Variants in PRKCD observed in about 807,000 individuals in gnomAD.
PRKCD encodes the protein protein kinase C delta type.
In PRKCD, 20 loss-of-function variants were observed where a neutral mutation model predicts 82.2. That is an observed-to-expected ratio of 0.24 (90% confidence interval 0.17 to 0.35). The LOEUF (loss-of-function observed/expected upper bound fraction) is 0.35, where lower values mean the gene tolerates loss of function less well. PRKCD is among the 10% of genes least tolerant of loss of function. The pLI is 1.00. For missense variants in PRKCD, 607 were observed against 899.0 expected, an observed-to-expected ratio of 0.68 and a Z score of 4.15; for synonymous variants, 317 against 337.0, an observed-to-expected ratio of 0.94 and a Z score of 0.65.
chr3:53,161,467 C>A (rs1302618643), intron 1 of PRKCD, 39 bp downstream of exon 1: 1 of 151,780 alleles, frequency 6.6e-6, no homozygotes, highest in African/African-American at 2.4e-5. Flanking sequence ...ATCGGGGCTA[C>A]CCCGAGGGCG....
At chr3:53,164,474 T>A (rs782443618) in intron 1 of PRKCD, among the ~76,000 whole-genome samples, 19 of 151,848 alleles carry the variant, frequency 1.3e-4, no homozygotes, top group Non-Finnish European at 2.2e-4. Flanking sequence ...TCTCAGCTGC[T>A]CAGGAGGCTG....
intron 15 of PRKCD, 69 bp downstream of exon 15, chr3:53,187,471 C>A: frequency 6.5e-7 from 1 of 1,542,738 alleles, no homozygotes; most frequent in Non-Finnish European, 8.9e-7. Context: ...TTCTGAAATG[C>A]TCCAAGCAGG....
intron 18 of PRKCD, among the ~76,000 whole-genome samples, chr3:53,190,588 C>A (rs11130354): frequency 0.95 from 144,113 of 152,196 alleles, 68,679 homozygotes; most frequent in Non-Finnish European, 1. Flanking sequence ...GGAAGAGGGG[C>A]TGGTTCACTC....
chr3:53,186,187 G>A lies in PRKCD; in HGVS notation c.1107G>A (p.Lys369=), dbSNP rs1553669006. The A allele has an allele frequency of 1.9e-6, 3 of 1,614,046 alleles. No homozygotes were observed. Among genetic ancestry groups the A allele is most frequent in the East Asian group, 2.2e-5 (1 of 44,878 alleles). The change falls in exon 13 of 19, where the codon AAG becomes AAA. Residue 369 remains lysine, a synonymous_variant. Transcript: ENST00000330452. The part of the protein sequence containing the change: ...SFGKVLLGEL[K]GRGEYFAIKA... ...ATCAGGTGCTGCTTGGAGAGCTGAA[G>A]GGCAGAGGAGAGTACTTTGCCATCA...
rs563782940 is a variant in PRKCD, at chr3:53,161,539, G to T, written c.-132+111G>T. The T allele has an allele frequency of 3.3e-5, 5 of 151,880 alleles. No individual in the cohort carries two copies. The South Asian group carries it at 1.0e-3, about 32-fold the overall frequency. The allele number at this position is 151,880 out of a possible 1,614,324, so 9.4% of individuals were successfully genotyped here. A position where few individuals can be genotyped will look rare whatever the true frequency, so the allele number is the denominator to read the frequency against. The stretch of plus-strand genomic sequence containing the variant: ...GTTTCCGAAACTGAGAAACTGAGCC[G>T]CGGTCAGCGAAAGTCCCGCCGCGCC... On this transcript the variant is annotated intron_variant, in intron 1 of 18. Coordinates refer to ENST00000330452, the MANE Select transcript of PRKCD (RefSeq NM_006254.4).
At chr3:53,179,529 G>A (rs782005753) in intron 3 of PRKCD, 48 bp from the exon 4 acceptor site, 12 of 1,610,754 alleles carry the variant, frequency 7.4e-6, no homozygotes, top group Non-Finnish European at 1.0e-5. Flanking sequence ...CTACGAGGGA[G>A]GGACAGAGGG....
rs782382731 is a variant in PRKCD, at chr3:53,181,157, C to T, written c.316-50C>T. On this transcript the variant is annotated intron_variant, in intron 4 of 18. Transcript: ENST00000330452. The stretch of plus-strand genomic sequence containing the variant: ...GGTGGGTTCTGAGTTTGGCCTGGCC[C>T]AGGCTGCCCTCACTGACCTTGTTCT... 10 of 1,594,424 alleles carry T rather than the reference C, an allele frequency of 6.3e-6. No homozygotes were observed. The South Asian group carries it at 1.0e-4, about 16-fold the overall frequency.
chr3:53,181,168 C>T (rs782144293), intron 4 of PRKCD, 39 bp from the exon 5 acceptor site: 11 of 1,605,718 alleles, frequency 6.9e-6, no homozygotes. Flanking sequence ...AGGCTGCCCT[C>T]ACTGACCTTG....
At chr3:53,180,057 A>AAATGAAAGG (rs1292244414) in intron 4 of PRKCD, among the ~76,000 whole-genome samples, 2 of 152,244 alleles carry the variant, frequency 1.3e-5, no homozygotes, top group Non-Finnish European at 1.5e-5. Flanking sequence ...TCAGTTGTTC[A>AAATGAAAGG]AATGAAAGGA....
In PRKCD at chr3:53,162,735, T is replaced by C. The variant is rs369379433; in HGVS notation, c.-132+1307T>C. On this transcript the variant is annotated intron_variant, in intron 1 of 18. Coordinates refer to ENST00000330452, the MANE Select transcript of PRKCD (RefSeq NM_006254.4). ...GTGTGTGTGTGTCCTTGCCTGCTAG[T>C]GTGTGTGTCCCTGTGTGTCTGGAGG... 4.9e-3 allele frequency among the ~76,000 whole-genome samples: 745 copies of C among 150,558 alleles called. 7 individuals are homozygous for C. Among genetic ancestry groups the C allele is most frequent in the African/African-American group, 0.017 (685 of 40,826 alleles).
At chr3:53,187,450 C>A in intron 15 of PRKCD, 48 bp downstream of exon 15, 1 of 1,587,426 alleles carries the variant, frequency 6.3e-7, no homozygotes, top group Non-Finnish European at 8.6e-7. Context: ...AGGCTCCAGC[C>A]CCATCATATC....
chr3:53,183,728 C>T, intron 9 of PRKCD, 147 bp downstream of exon 9: 1 of 1,210,486 alleles, frequency 8.3e-7, no homozygotes, highest in Non-Finnish European at 1.1e-6. Flanking sequence ...CCTTGGTGGA[C>T]CCTCCCCACT....
At chr3:53,187,955 G>A (rs1280961243) in intron 15 of PRKCD, among the ~76,000 whole-genome samples, 1 of 152,150 alleles carries the variant, frequency 6.6e-6, no homozygotes, top group Non-Finnish European at 1.5e-5. Flanking sequence ...GGGAGGCCAA[G>A]GTGGGCAGAT....
Position 53,189,939 on chromosome 3 carries a change from A to G in PRKCD, c.1810A>G (p.Lys604Glu). Residue 604 changes from lysine (K) to glutamate (E), a missense_variant, in exon 18 of 19, where the codon AAG becomes GAG. By Grantham distance (56) the Lys-to-Glu change is moderately conservative. Coordinates refer to ENST00000330452, the MANE Select transcript of PRKCD (RefSeq NM_006254.4). ...TGNIKIHPFF[K>E]TINWTLLEKR... ...AAACATCAAAATCCACCCCTTCTTC[A>G]AGACCATAAACTGGACTCTGCTGGA... The G allele has an allele frequency of 6.2e-7, 1 of 1,614,160 alleles. No homozygotes were observed. The highest frequency in any genetic ancestry group is 2.2e-5 in the East Asian group (1 of 44,884).
rs3830263 is a variant in PRKCD at position 53,179,799 on chromosome 3, CGTGTGTGTGTGTGT to C, written c.315+30_315+43del. 6 of 1,410,008 alleles carry C rather than the reference CGTGTGTGTGTGTGT, an allele frequency of 4.3e-6. No individual in the cohort carries two copies. In the African/African-American group the frequency reaches 8.4e-5, roughly 20 times the overall value. The allele number at this position is 1,410,008 out of a possible 1,614,324, so 87.3% of individuals were successfully genotyped here. On this transcript the variant is annotated intron_variant, in intron 4 of 18. Coordinates refer to ENST00000330452, the MANE Select transcript of PRKCD (RefSeq NM_006254.4). ...TGGGTAAGGGGCGCACGAGCCGTGC[CGTGTGTGTGTGTGT>C]GTGTGTCTGTGTGTGTGTGCATGCG...
chr3:53,179,533 C>T, intron 3 of PRKCD, 44 bp from the exon 4 acceptor site: 3 of 1,611,632 alleles, frequency 1.9e-6, no homozygotes, highest in Non-Finnish European at 2.5e-6. Flanking sequence ...GAGGGAGGGA[C>T]AGAGGGGCCA....
At chr3:53,183,341 A>G in intron 8 of PRKCD, 111 bp from the exon 9 acceptor site, 2 of 1,569,544 alleles carry the variant, frequency 1.3e-6, no homozygotes, top group East Asian at 4.5e-5. Context: ...TGCCTCTCCC[A>G]GTGGAGCTCT....
In PRKCD at chr3:53,175,092, T is replaced by C. The variant is rs554716236; in HGVS notation, c.-19-3312T>C. Among the ~76,000 whole-genome samples the C allele has an allele frequency of 5.0e-4, 76 of 152,032 alleles. No homozygotes were observed. The South Asian group carries it at 0.014, about 28-fold the overall frequency. On this transcript the variant is annotated intron_variant, in intron 2 of 18. Coordinates refer to ENST00000330452, the MANE Select transcript of PRKCD (RefSeq NM_006254.4). ...GGCAGGCCGGGGGTAGGGGAAGCCA[T>C]GGAGCCTGTGGGCTGTCAGGGCTGG...
intron 13 of PRKCD, 72 bp from the exon 14 acceptor site, chr3:53,186,532 G>T: frequency 7.0e-7 from 1 of 1,436,828 alleles, no homozygotes; most frequent in Non-Finnish European, 9.6e-7. Flanking sequence ...GTTGGGGCTT[G>T]GCCCCAGTGG....
Sources: allele counts gnomAD v4.1 joint callset (sites outside exome capture counted in the v4.1 genomes callset), GRCh38; gene constraint gnomAD v4.1.1; transcripts MANE v1.5; gene names NCBI Gene and HGNC (gene_info 2026-07-23, HGNC 2026-07-21).